TAS2R1: variants seen among roughly 807,000 people sequenced by gnomAD.
TAS2R1 encodes the protein taste 2 receptor member 1, also known as taste receptor type 2 member 1.
For missense variants in TAS2R1, 370 were observed against 353.4 expected (o/e 1.05, Z -0.38); for synonymous variants, 141 against 134.2 (o/e 1.05, Z -0.35).
intron 2 of TAS2R1, among the ~76,000 whole-genome samples, chr5:9,652,420 G>T (rs1211946014): frequency 6.6e-6 from 1 of 152,152 alleles, no homozygotes; most frequent in Non-Finnish European, 1.5e-5. Flanking sequence ...CTACTCCGGG[G>T]CTGGGCCCAT....
the TAS2R1 span, among the ~76,000 whole-genome samples, chr5:9,743,733 C>T: frequency 6.6e-6 from 1 of 152,094 alleles, no homozygotes; most frequent in African/African-American, 2.4e-5. Context: ...TCCAGCAGAT[C>T]TTAAGATTTC....
intron 2 of TAS2R1, among the ~76,000 whole-genome samples, chr5:9,649,047 C>A (rs1209959351): frequency 6.6e-6 from 1 of 152,176 alleles, no homozygotes; most frequent in Non-Finnish European, 1.5e-5. Flanking sequence ...GGGTCAACAT[C>A]AAAAACAAAC....
the TAS2R1 span, among the ~76,000 whole-genome samples, chr5:9,765,104 A>T: frequency 6.6e-6 from 1 of 152,164 alleles, no homozygotes; most frequent in Non-Finnish European, 1.5e-5. Context: ...AAACCCTGGA[A>T]TTCAATAAAT....
the TAS2R1 span, among the ~76,000 whole-genome samples, chr5:9,753,118 C>T: frequency 6.6e-6 from 1 of 152,168 alleles, no homozygotes; most frequent in African/African-American, 2.4e-5. Context: ...CCTGAAGAAT[C>T]GCCACACTGA....
At chr5:9,745,851 G>A in the TAS2R1 span, among the ~76,000 whole-genome samples, 94 of 152,172 alleles carry the variant, frequency 6.2e-4, no homozygotes, top group African/African-American at 2.2e-3. Context: ...CAGGACATAG[G>A]CATGGGCAAA....
the TAS2R1 span, among the ~76,000 whole-genome samples, chr5:9,818,629 C>T: frequency 6.6e-6 from 1 of 152,184 alleles, no homozygotes; most frequent in Non-Finnish European, 1.5e-5. Context: ...TCATCCAGCA[C>T]AGCATGCTTC....
the TAS2R1 span, among the ~76,000 whole-genome samples, chr5:9,767,465 A>G: frequency 1.8e-4 from 28 of 152,036 alleles, no homozygotes; most frequent in Admixed American, 3.3e-4. Flanking sequence ...CAGTTTTCTC[A>G]TCAGTAAAAC....
At chr5:9,751,270 C>A in the TAS2R1 span, among the ~76,000 whole-genome samples, 1 of 151,526 alleles carries the variant, frequency 6.6e-6, no homozygotes, top group African/African-American at 2.4e-5. Context: ...TATCCTATAA[C>A]CCTCCCCCAC....
the TAS2R1 span, among the ~76,000 whole-genome samples, chr5:9,899,832 T>C: frequency 2.3e-3 from 349 of 152,240 alleles, no homozygotes; most frequent in Non-Finnish European, 3.9e-3. Context: ...AGCAACAAAG[T>C]TGAGATGTCC....
the TAS2R1 span, among the ~76,000 whole-genome samples, chr5:9,722,092 T>C: frequency 6.6e-6 from 1 of 152,210 alleles, no homozygotes; most frequent in Non-Finnish European, 1.5e-5. Context: ...CAAGCTGCCA[T>C]TTTGTAAACC....
the TAS2R1 span, among the ~76,000 whole-genome samples, chr5:9,780,168 C>A: frequency 6.6e-6 from 1 of 152,176 alleles, no homozygotes; most frequent in Admixed American, 6.5e-5. Flanking sequence ...AAGAACATCA[C>A]CCCCTCCCAC....
the TAS2R1 span, among the ~76,000 whole-genome samples, chr5:9,744,255 C>T: frequency 1.3e-5 from 2 of 152,150 alleles, no homozygotes; most frequent in African/African-American, 4.8e-5. Flanking sequence ...TTTGTGTATA[C>T]ATTTGGAATT....
chr5:9,652,967 A>G (rs968477579), intron 2 of TAS2R1, among the ~76,000 whole-genome samples: 1 of 152,154 alleles, frequency 6.6e-6, no homozygotes, highest in East Asian at 1.9e-4. Context: ...AGTGTGTGTT[A>G]CCATCAGCCA....
At chr5:9,807,300 G>C in the TAS2R1 span, among the ~76,000 whole-genome samples, 2 of 152,228 alleles carry the variant, frequency 1.3e-5, no homozygotes, top group South Asian at 4.1e-4. Flanking sequence ...TTACACTGTG[G>C]GTGGGAATGT....
At chr5:9,876,701 G>A in the TAS2R1 span, among the ~76,000 whole-genome samples, 5 of 152,068 alleles carry the variant, frequency 3.3e-5, no homozygotes, top group Non-Finnish European at 4.4e-5. Context: ...AATGCAAATC[G>A]TAACATTATA....
At chr5:9,850,030 T>C in the TAS2R1 span, among the ~76,000 whole-genome samples, 1 of 152,218 alleles carries the variant, frequency 6.6e-6, no homozygotes, top group Non-Finnish European at 1.5e-5. Flanking sequence ...CACTCCACTG[T>C]CTCTCACTCC....
intron 1 of TAS2R1, among the ~76,000 whole-genome samples, chr5:9,666,193 G>A (rs1033405633): frequency 1.3e-5 from 2 of 152,156 alleles, no homozygotes; most frequent in South Asian, 2.1e-4. Flanking sequence ...TGAATTTGGA[G>A]AGAGTTCTAT....
At chr5:9,891,389 T>A in the TAS2R1 span, among the ~76,000 whole-genome samples, 1 of 152,260 alleles carries the variant, frequency 6.6e-6, no homozygotes, top group Non-Finnish European at 1.5e-5. Context: ...GATGTACTAT[T>A]TTTGTCTTTA....
the TAS2R1 span, among the ~76,000 whole-genome samples, chr5:9,866,974 C>T: frequency 4.6e-5 from 7 of 152,174 alleles, no homozygotes; most frequent in African/African-American, 1.2e-4. Flanking sequence ...TCCAAAACCA[C>T]GTGGTCAGCC....
Sources: allele counts gnomAD v4.1 joint callset (sites outside exome capture counted in the v4.1 genomes callset), GRCh38; gene constraint gnomAD v4.1.1; transcripts MANE v1.5; gene names NCBI Gene and HGNC (gene_info 2026-07-23, HGNC 2026-07-21).